SDK2: variants seen among roughly 807,000 people sequenced by gnomAD.
SDK2 encodes the protein protein sidekick-2.
In SDK2, 105 loss-of-function variants were observed where a neutral mutation model predicts 253.9. The ratio of observed to expected loss-of-function variants is 0.41; its 90% confidence interval spans 0.35 to 0.49. SDK2 has a LOEUF of 0.49. Among genes scored for constraint, SDK2 ranks in the 20% least tolerant of loss-of-function variants. The probability of loss-of-function intolerance (pLI) is 0.06; values close to 1 mark genes in which losing one functional copy is unlikely to be tolerated. For synonymous variants in SDK2, 1,249 were observed against 1,234.9 expected, an observed-to-expected ratio of 1.01 and a Z score of -0.24; for missense variants, 2,608 against 3,003.0, an observed-to-expected ratio of 0.87 and a Z score of 3.07.
At chr17:73,547,584 T>C (rs543706006) in intron 1 of SDK2, among the ~76,000 whole-genome samples, 3 of 152,114 alleles carry the variant, frequency 2.0e-5, no homozygotes, top group Non-Finnish European at 2.9e-5. Context: ...CACCTCCCAA[T>C]AGGGCCTGTC....
At chr17:73,452,408 C>T (rs2063496313) in intron 4 of SDK2, among the ~76,000 whole-genome samples, 1 of 152,120 alleles carries the variant, frequency 6.6e-6, no homozygotes, top group African/African-American at 2.4e-5. Context: ...ATAAAACCCC[C>T]AGAGTGTTCT....
Position 73,481,907 on chromosome 17 carries a change from G to A in SDK2, c.225-9689C>T, listed in dbSNP as rs1296771568. Among the ~76,000 whole-genome samples the A allele has an allele frequency of 1.3e-5, 2 of 152,150 alleles. No individual in the cohort carries two copies. Among genetic ancestry groups the A allele is most frequent in the African/African-American group, 4.8e-5 (2 of 41,422 alleles). Reference sequence around the variant, plus strand: ...AACCACATGGGCCAAGTCCCATAACGAACCTCGTGCATCTGTCTCTCTCCC... The same window carrying A: ...AACCACATGGGCCAAGTCCCATAACAAACCTCGTGCATCTGTCTCTCTCCC... On this transcript the variant is annotated intron_variant, in intron 2 of 44. Transcript: ENST00000392650. The surrounding 1 kb of genome is among the most constrained non-coding windows in gnomAD (Gnocchi z 4.5).
At chr17:73,348,783 G>A in intron 43 of SDK2, 58 bp from the exon 44 acceptor site, 1 of 1,508,072 alleles carries the variant, frequency 6.6e-7, no homozygotes, top group Non-Finnish European at 9.0e-7. Context: ...GGCCTCCCCT[G>A]GCCTAGGGAG....
intron 22 of SDK2, 61 bp from the exon 23 acceptor site, chr17:73,398,490 GC>G: frequency 7.0e-7 from 1 of 1,420,730 alleles, no homozygotes; most frequent in Non-Finnish European, 9.8e-7. Flanking sequence ...GGTGCTCCGA[GC>G]CCCAGTACAA....
intron 1 of SDK2, among the ~76,000 whole-genome samples, chr17:73,571,453 G>A (rs12941045): frequency 0.27 from 40,769 of 152,036 alleles, 5,554 homozygotes; most frequent in South Asian, 0.35. Context: ...GGTCACTCAG[G>A]GAGCTCGGTG....
chr17:73,392,606 T>C (rs2145501203), intron 27 of SDK2, among the ~76,000 whole-genome samples: 1 of 152,254 alleles, frequency 6.6e-6, no homozygotes, highest in Non-Finnish European at 1.5e-5. Flanking sequence ...TCCAGATCGT[T>C]GTAAGGGTAT....
At chr17:73,411,491 C>T (rs552814725) in intron 18 of SDK2, among the ~76,000 whole-genome samples, 13 of 152,154 alleles carry the variant, frequency 8.5e-5, no homozygotes, top group Non-Finnish European at 8.8e-5. Flanking sequence ...CAGCTGGCCT[C>T]CCCTCAAATG....
Position 73,368,397 on chromosome 17 carries a change from C to A in SDK2, c.5167+10G>T. The A allele has an allele frequency of 1.3e-6, 2 of 1,508,748 alleles. No individual in the cohort carries two copies. The highest frequency in any genetic ancestry group is 2.4e-5 in the East Asian group (1 of 40,902). 93.5% of individuals were successfully genotyped at this position (1,508,748 alleles called of 1,614,324 possible). On this transcript the variant is annotated intron_variant, in intron 37 of 44. Coordinates refer to ENST00000392650, the MANE Select transcript of SDK2 (RefSeq NM_001144952.2). ...CCTACCCCTCCCCTCCTCAGGGCCC[C>A]CTCTCCCACCTGCTTGCTGGGTCTG...
At position 73,408,046 on chromosome 17, in the gene SDK2, C is replaced by CTTTTTTTTTTTTTTTT. The variant is rs373774628; in HGVS notation, c.2485-5906_2485-5905insAAAAAAAAAAAAAAAA. The stretch of plus-strand genomic sequence containing the variant: ...ACACCATCTAGGAAGTAAAATATTT[C>CTTTTTTTTTTTTTTTT]CTTTTTTTTTTTTTTTTTCTTTTGA... On this transcript the variant is annotated intron_variant, in intron 18 of 44. Transcript: ENST00000392650. Among the ~76,000 whole-genome samples, 3 of 50,950 alleles carry CTTTTTTTTTTTTTTTT rather than the reference C, an allele frequency of 5.9e-5. 1 individual carries two copies. The highest frequency in any genetic ancestry group is 2.9e-4 in the Admixed American group (1 of 3,508). 33.4% of individuals were successfully genotyped at this position (50,950 alleles called of 152,430 possible). A position where few individuals can be genotyped will look rare whatever the true frequency, so the allele number is the denominator to read the frequency against.
chr17:73,475,891 C>T (rs2063682917), intron 2 of SDK2, among the ~76,000 whole-genome samples: 1 of 152,194 alleles, frequency 6.6e-6, no homozygotes. Flanking sequence ...GTGGGCAGAT[C>T]ACTTGAGGTC....
At position 73,511,923 on chromosome 17, in the gene SDK2, G is replaced by A. The variant is rs1018003045; in HGVS notation, c.65-4326C>T. Among the ~76,000 whole-genome samples, 1 of 152,148 alleles carries A rather than the reference G, an allele frequency of 6.6e-6. No individual in the cohort carries two copies. Among genetic ancestry groups the A allele is most frequent in the African/African-American group, 2.4e-5 (1 of 41,422 alleles). ...TGTTTATGTGTGCAGGTGTGTGTGT[G>A]TGCAGGTGTGTCTGCATGTATGTCC... On this transcript the variant is annotated intron_variant, in intron 1 of 44. Transcript: ENST00000392650. The surrounding 1 kb of genome is among the most constrained non-coding windows in gnomAD (Gnocchi z 4.9).
chr17:73,595,276 G>A (rs140316604), intron 1 of SDK2, among the ~76,000 whole-genome samples: 96 of 152,256 alleles, frequency 6.3e-4, no homozygotes, highest in Non-Finnish European at 4.4e-4. Flanking sequence ...GGAGAGCGTG[G>A]CCCTGTGTCG....
chr17:73,536,480 C>T (rs990206085), intron 1 of SDK2, among the ~76,000 whole-genome samples: 1 of 152,238 alleles, frequency 6.6e-6, no homozygotes, highest in Non-Finnish European at 1.5e-5. Flanking sequence ...CTCCAAACCC[C>T]CAGGCTGGGC....
At chr17:73,583,536 G>A (rs1332481740) in intron 1 of SDK2, among the ~76,000 whole-genome samples, 1 of 152,166 alleles carries the variant, frequency 6.6e-6, no homozygotes, top group African/African-American at 2.4e-5. Flanking sequence ...CTCACCCACT[G>A]AGCCACTGCC....
intron 1 of SDK2, among the ~76,000 whole-genome samples, chr17:73,578,046 AG>A (rs1377124750): frequency 6.7e-6 from 1 of 148,672 alleles, no homozygotes; most frequent in Non-Finnish European, 1.5e-5. Context: ...CAGGGTCTTG[AG>A]CCCTATGGAC....
At chr17:73,368,659 T>C in intron 36 of SDK2, 66 bp from the exon 37 acceptor site, 3 of 1,335,100 alleles carry the variant, frequency 2.2e-6, no homozygotes, top group Non-Finnish European at 3.0e-6. Flanking sequence ...CTGTCCCTGC[T>C]GACCTGTAGT....
At chr17:73,391,763 C>T (rs561046879) in intron 27 of SDK2, among the ~76,000 whole-genome samples, 15 of 152,342 alleles carry the variant, frequency 9.8e-5, no homozygotes, top group East Asian at 5.8e-4. Flanking sequence ...CATTTGGCAG[C>T]GACCTGAGGC....
At chr17:73,432,874 ATG>A (rs995803749) in intron 10 of SDK2, among the ~76,000 whole-genome samples, 1 of 151,862 alleles carries the variant, frequency 6.6e-6, no homozygotes, top group Admixed American at 6.6e-5. Flanking sequence ...GTGTGTGCAT[ATG>A]TGTGTGTGTG....
intron 1 of SDK2, among the ~76,000 whole-genome samples, chr17:73,544,491 T>C (rs1178269985): frequency 1.3e-5 from 2 of 152,056 alleles, no homozygotes; most frequent in African/African-American, 2.4e-5. Context: ...GAGGAGTGGA[T>C]GGATGGATGG....
Sources: allele counts gnomAD v4.1 joint callset (sites outside exome capture counted in the v4.1 genomes callset), GRCh38; gene constraint gnomAD v4.1.1; non-coding constraint Gnocchi (gnomAD v3.1); transcripts MANE v1.5; gene names NCBI Gene and HGNC (gene_info 2026-07-23, HGNC 2026-07-21).